The following DLG2 variants were observed in gnomAD, a reference collection of about 807,000 sequenced individuals.
DLG2 encodes discs large MAGUK scaffold protein 2.
Under a neutral mutation model 132.5 loss-of-function variants are expected in DLG2, and 45 were observed. The observed-to-expected ratio is 0.34, with a 90% CI of 0.27 to 0.44. DLG2 has a LOEUF of 0.44. Among genes scored for constraint, DLG2 ranks in the 20% least tolerant of loss-of-function variants. DLG2 has a pLI of 1.00. For synonymous variants in DLG2, 424 were observed against 419.6 expected (o/e 1.01, Z -0.13); for missense variants, 1,045 against 1,196.9 (o/e 0.87, Z 1.87).
At position 84,308,655 on chromosome 11, in the gene DLG2, G is replaced by A. The variant is rs537208591; in HGVS notation, c.520-57364C>T. On this transcript the variant is annotated intron_variant, in intron 7 of 27. Transcript: ENST00000376104. ...CACAGGAGCTCACGGAGTGGGGGAG[G>A]CTCAGGCATGGTCCCGAGCCCTGCC... is the stretch of plus-strand genomic sequence containing the variant. Among the ~76,000 whole-genome samples, 6 of 152,198 alleles carry A rather than the reference G, an allele frequency of 3.9e-5. No homozygotes were observed. In the South Asian group the frequency reaches 1.2e-3, roughly 32 times the overall value.
chr11:84,530,642 G>A (rs186000884), intron 7 of DLG2, among the ~76,000 whole-genome samples: 1 of 152,184 alleles, frequency 6.6e-6, no homozygotes, highest in Non-Finnish European at 1.5e-5. Flanking sequence ...TGGTGAGGTT[G>A]CAGTGAAAAG....
chr11:85,036,251 C>G (rs570699101), intron 6 of DLG2, among the ~76,000 whole-genome samples: 6 of 152,266 alleles, frequency 3.9e-5, no homozygotes, highest in Non-Finnish European at 7.4e-5. Flanking sequence ...CTTAAAATTA[C>G]CTTTCCAAGC....
chr11:84,654,931 A>T (rs1050201017), intron 6 of DLG2, among the ~76,000 whole-genome samples: 14 of 152,182 alleles, frequency 9.2e-5, no homozygotes, highest in African/African-American at 3.1e-4. Context: ...CTCATTAAAG[A>T]CCAGAGCTTT....
intron 3 of DLG2, among the ~76,000 whole-genome samples, chr11:85,517,098 C>T (rs374453177): frequency 2.6e-5 from 4 of 151,836 alleles, no homozygotes; most frequent in Admixed American, 6.6e-5. Flanking sequence ...GGGTTTATTC[C>T]AGAGATGCAA....
At chr11:83,741,916 G>A (rs2092550965) in intron 18 of DLG2, among the ~76,000 whole-genome samples, 1 of 152,018 alleles carries the variant, frequency 6.6e-6, no homozygotes, top group African/African-American at 2.4e-5. Context: ...TTGGGAGGCT[G>A]AGAACCTTTC....
chr11:85,040,712 T>C (rs1254811494), intron 6 of DLG2, among the ~76,000 whole-genome samples: 1 of 151,894 alleles, frequency 6.6e-6, no homozygotes, highest in Non-Finnish European at 1.5e-5. Flanking sequence ...TCAGAAAGTA[T>C]AGAAGTACTA....
intron 18 of DLG2, chr11:83,682,193 G>T (rs2078942322): frequency 1.0e-6 from 1 of 985,262 alleles, no homozygotes; most frequent in South Asian, 4.7e-5. Context: ...CAGGGAGGAG[G>T]CAGGAGGCAC....
intron 19 of DLG2, among the ~76,000 whole-genome samples, chr11:83,608,137 G>A (rs1229445299): frequency 6.6e-6 from 1 of 152,270 alleles, no homozygotes; most frequent in South Asian, 2.1e-4. Flanking sequence ...GATGGATTGT[G>A]TCCAAATAAA....
intron 6 of DLG2, among the ~76,000 whole-genome samples, chr11:84,550,080 G>T (rs552218767): frequency 7.9e-5 from 12 of 150,946 alleles, no homozygotes; most frequent in Admixed American, 2.0e-4. Flanking sequence ...CCAGTGTCAT[G>T]CAGTCATCTT....
intron 6 of DLG2, among the ~76,000 whole-genome samples, chr11:84,660,119 T>C (rs2099692924): frequency 6.6e-6 from 1 of 152,056 alleles, no homozygotes; most frequent in African/African-American, 2.4e-5. Flanking sequence ...CCAGTCCATC[T>C]GGAGACAGAA....
chr11:84,764,156 C>A (rs927793792), intron 6 of DLG2, among the ~76,000 whole-genome samples: 1 of 152,106 alleles, frequency 6.6e-6, no homozygotes, highest in Non-Finnish European at 1.5e-5. Flanking sequence ...GGGAATTACA[C>A]TTGCAGGAAG....
chr11:85,107,744 G>C (rs1197690906), intron 6 of DLG2, among the ~76,000 whole-genome samples: 2 of 151,838 alleles, frequency 1.3e-5, no homozygotes, highest in Non-Finnish European at 2.9e-5. Flanking sequence ...TATCATTCTA[G>C]TGATTAATAT....
chr11:83,626,440 C>T (rs1400318143), intron 19 of DLG2, among the ~76,000 whole-genome samples: 2 of 152,062 alleles, frequency 1.3e-5, no homozygotes, highest in East Asian at 1.9e-4. Flanking sequence ...CAGGTAAGTA[C>T]AAACACCATA....
intron 21 of DLG2, among the ~76,000 whole-genome samples, chr11:83,530,939 A>G (rs1056070193): frequency 2.6e-5 from 4 of 152,032 alleles, no homozygotes; most frequent in African/African-American, 9.7e-5. Flanking sequence ...TCCAAAAATG[A>G]AATTAAGAAG....
intron 6 of DLG2, among the ~76,000 whole-genome samples, chr11:85,091,950 C>T (rs1438639605): frequency 1.3e-5 from 2 of 152,182 alleles, no homozygotes; most frequent in African/African-American, 4.8e-5. Context: ...TTCTCAATGG[C>T]ATCTAGAATG....
At chr11:84,289,829 G>A (rs373671511) in intron 7 of DLG2, among the ~76,000 whole-genome samples, 3 of 152,180 alleles carry the variant, frequency 2.0e-5, no homozygotes, top group African/African-American at 7.2e-5. Context: ...CAGCCTATGC[G>A]TGCAAAGTAT....
intron 6 of DLG2, among the ~76,000 whole-genome samples, chr11:84,548,268 T>C (rs2099394372): frequency 6.6e-6 from 1 of 152,090 alleles, no homozygotes. Context: ...ACGCTAAGTA[T>C]TCTTTTTTTT....
intron 10 of DLG2, among the ~76,000 whole-genome samples, chr11:84,064,116 AATATAT>A (rs200659612): frequency 6.6e-6 from 1 of 151,268 alleles, no homozygotes; most frequent in Admixed American, 6.6e-5. Context: ...GTATAATAAG[AATATAT>A]ATATATAACA....
At chr11:84,254,884 T>C (rs2097441344) in intron 7 of DLG2, among the ~76,000 whole-genome samples, 1 of 152,168 alleles carries the variant, frequency 6.6e-6, no homozygotes, top group Non-Finnish European at 1.5e-5. Flanking sequence ...TAAAAATGCA[T>C]GAACAAACAA....
Sources: allele counts gnomAD v4.1 joint callset (sites outside exome capture counted in the v4.1 genomes callset), GRCh38; gene constraint gnomAD v4.1.1; transcripts MANE v1.5; gene names NCBI Gene and HGNC (gene_info 2026-07-23, HGNC 2026-07-21).